The following DNAJC27 variants were observed in gnomAD, a reference collection of about 807,000 sequenced individuals.
DNAJC27 encodes dnaJ homolog subfamily C member 27.
Under a neutral mutation model 31.4 loss-of-function variants are expected in DNAJC27, and 25 were observed. The ratio of observed to expected loss-of-function variants is 0.80; its 90% confidence interval spans 0.58 to 1.11. The LOEUF (loss-of-function observed/expected upper bound fraction) is 1.11. Among genes scored for constraint, DNAJC27 ranks in the 50% most tolerant of loss-of-function variants. The probability of loss-of-function intolerance (pLI) is 0.00; values close to 1 mark genes in which losing one functional copy is unlikely to be tolerated. For missense variants in DNAJC27, 356 were observed against 347.3 expected (o/e 1.02, Z -0.20); for synonymous variants, 106 against 112.7 (o/e 0.94, Z 0.37).
chr2:24,947,815 T>A (rs747243715), intron 6 of DNAJC27, 67 bp from the exon 7 acceptor site: 158 of 1,542,898 alleles, frequency 1.0e-4, no homozygotes, highest in Non-Finnish European at 1.3e-4. Flanking sequence ...GTTAGCTGTT[T>A]GGACACACAT....
At chr2:24,964,195 C>T (rs1331318713) in intron 2 of DNAJC27, among the ~76,000 whole-genome samples, 3 of 151,658 alleles carry the variant, frequency 2.0e-5, no homozygotes, top group East Asian at 1.9e-4. Context: ...CCGAGATGGG[C>T]GGATCATGAG....
intron 5 of DNAJC27, among the ~76,000 whole-genome samples, chr2:24,954,387 C>G (rs1665854742): frequency 6.6e-6 from 1 of 152,144 alleles, no homozygotes; most frequent in African/African-American, 2.4e-5. Flanking sequence ...TGAGGCACCA[C>G]AGAAAGGCTG....
Position 24,969,308 on chromosome 2 carries a change from T to A in DNAJC27, c.88-2015A>T, listed in dbSNP as rs560203814. 1.7e-3 allele frequency: 266 copies of A among 159,644 alleles called. 3 individuals carry two copies. Among genetic ancestry groups the A allele is most frequent in the Non-Finnish European group, 3.0e-3 (210 of 71,080 alleles). 9.9% of individuals were successfully genotyped at this position (159,644 alleles called of 1,614,324 possible). A position where few individuals can be genotyped will look rare whatever the true frequency, so the allele number is the denominator to read the frequency against. ...ACGTGATGATGTCAAGGCTCAGGTA[T>A]CATGGCATAGTTTCCTATTTGTAAG... On this transcript the variant is annotated intron_variant, in intron 1 of 6. Transcript: ENST00000264711.
At chr2:24,950,844 T>A (rs1665755405) in intron 6 of DNAJC27, among the ~76,000 whole-genome samples, 1 of 146,554 alleles carries the variant, frequency 6.8e-6, no homozygotes. Context: ...TGAGACTCTG[T>A]CTCAAAAATA....
intron 5 of DNAJC27, among the ~76,000 whole-genome samples, chr2:24,956,702 G>A (rs1573111606): frequency 2.0e-5 from 3 of 152,234 alleles, no homozygotes; most frequent in South Asian, 2.1e-4. Flanking sequence ...CTTCAGAATC[G>A]CCTGGAGAGA....
rs191802071 is a variant in DNAJC27 at position 24,948,407 on chromosome 2, C to T, written c.690-659G>A. 3.9e-5 allele frequency among the ~76,000 whole-genome samples: 6 copies of T among 151,994 alleles called. No homozygotes were observed. In the East Asian group the frequency reaches 1.2e-3, roughly 29 times the overall value. ...CAGAAGTGGATGATGAGCTGAATAT[C>T]CAGGAGGAGAAGATGAAAAGAAAGG... is the stretch of plus-strand genomic sequence containing the variant. On this transcript the variant is annotated intron_variant, in intron 6 of 6. Coordinates refer to ENST00000264711, the MANE Select transcript of DNAJC27 (RefSeq NM_016544.3).
chr2:24,952,008 G>T (rs1665787230), intron 5 of DNAJC27, among the ~76,000 whole-genome samples: 1 of 152,096 alleles, frequency 6.6e-6, no homozygotes, highest in Non-Finnish European at 1.5e-5. Context: ...TCAGATACTT[G>T]GGTGGCTGAG....
At chr2:24,949,744 A>C (rs1180892799) in intron 6 of DNAJC27, among the ~76,000 whole-genome samples, 1 of 152,226 alleles carries the variant, frequency 6.6e-6, no homozygotes, top group Non-Finnish European at 1.5e-5. Context: ...AGGAGCCCTA[A>C]GTTTCTTCTT....
At chr2:24,956,976 T>G in intron 5 of DNAJC27, 67 bp downstream of exon 5, 1 of 1,557,892 alleles carries the variant, frequency 6.4e-7, no homozygotes, top group Non-Finnish European at 8.6e-7. Context: ...TTGCTTCCTA[T>G]AATTTAAACT....
At chr2:24,949,936 CTTTT>C (rs397949355) in intron 6 of DNAJC27, among the ~76,000 whole-genome samples, 1 of 138,808 alleles carries the variant, frequency 7.2e-6, no homozygotes, top group South Asian at 2.3e-4. Flanking sequence ...ACCCTACTGG[CTTTT>C]TTTTTTTTCA....
At chr2:24,951,183 G>A (rs954256879) in intron 6 of DNAJC27, among the ~76,000 whole-genome samples, 8 of 152,210 alleles carry the variant, frequency 5.3e-5, no homozygotes, top group Non-Finnish European at 1.0e-4. Context: ...ATTTATGCAC[G>A]TACACGACAC....
intron 3 of DNAJC27, among the ~76,000 whole-genome samples, chr2:24,960,882 C>T (rs1356064815): frequency 6.6e-6 from 1 of 152,254 alleles, no homozygotes; most frequent in Non-Finnish European, 1.5e-5. Flanking sequence ...TGAAGCAGCA[C>T]ATGCTGATGT....
rs533538495 is a variant in DNAJC27 at position 24,944,071 on chromosome 2, C to A, written c.*3545G>T. The A allele has an allele frequency of 1.3e-5, 2 of 152,356 alleles. No individual in the cohort carries two copies. The highest frequency in any genetic ancestry group is 4.1e-4 in the South Asian group (2 of 4,824). The allele number at this position is 152,356 out of a possible 1,614,324, so 9.4% of individuals were successfully genotyped here. A position where few individuals can be genotyped will look rare whatever the true frequency, so the allele number is the denominator to read the frequency against. ...AAATACCAATTATGAGAAGTACGAA[C>A]CTCTCTTCACTTTGCAAAGCTTGCA... is the stretch of plus-strand genomic sequence containing the variant. On this transcript the variant is annotated 3_prime_UTR_variant, in exon 7 of 7. Transcript: ENST00000264711.
chr2:24,967,397 A>T, intron 1 of DNAJC27, 104 bp from the exon 2 acceptor site: 1 of 947,928 alleles, frequency 1.1e-6, no homozygotes, highest in Non-Finnish European at 1.6e-6. Flanking sequence ...ACTATGAAAA[A>T]GCATTTTCAA....
intron 2 of DNAJC27, among the ~76,000 whole-genome samples, chr2:24,964,973 C>T (rs1462504695): frequency 2.6e-5 from 4 of 151,978 alleles, no homozygotes; most frequent in African/African-American, 7.2e-5. Flanking sequence ...TTTGGGAGGC[C>T]GAGGTGGACG....
chr2:24,963,449 T>C lies in DNAJC27; in HGVS notation c.196A>G (p.Lys66Glu). The part of the protein sequence containing the change: ...TKVHVRDREI[K>E]VNIFDMAGHP... ...CCAGCCATATCAAAGATGTTAACTT[T>C]GATTTCTCTGTCTCTGACGTGTACC... The change falls in exon 3 of 7, where the codon AAA (lysine) becomes GAA (glutamate). Residue 66 changes from lysine to glutamate, a missense_variant. By Grantham distance (56) the Lys-to-Glu change is moderately conservative. Coordinates refer to ENST00000264711, the MANE Select transcript of DNAJC27 (RefSeq NM_016544.3). 1 of 1,613,902 alleles carries C rather than the reference T, an allele frequency of 6.2e-7. No individual in the cohort carries two copies. Among genetic ancestry groups the C allele is most frequent in the Non-Finnish European group, 8.5e-7 (1 of 1,179,842 alleles).
rs1425854445 is a variant in DNAJC27, at chr2:24,971,826, C to T, written c.79G>A (p.Val27Met). The T allele has an allele frequency of 6.2e-7, 1 of 1,609,108 alleles. No individual in the cohort carries two copies. The highest frequency in any genetic ancestry group is 1.1e-5 in the South Asian group (1 of 90,340). ...CGGCTCGCTGTACTCACTTTCCCCACTTCGGCGTTGCCCATGGAGATGACT... is the reference window on the plus strand; with the variant it reads ...CGGCTCGCTGTACTCACTTTCCCCATTTCGGCGTTGCCCATGGAGATGACT... ...IKVISMGNAE[V>M]GKSCIIKRYC... Residue 27 changes from valine (V) to methionine (M), a missense_variant, in exon 1 of 7, where the codon GTG (valine) becomes ATG (methionine). Physicochemically the swap from Val to Met is conservative, Grantham distance 21 (BLOSUM62 1). Transcript: ENST00000264711.
chr2:24,968,642 T>C (rs973441674), intron 1 of DNAJC27, among the ~76,000 whole-genome samples: 1 of 152,182 alleles, frequency 6.6e-6, no homozygotes, highest in Non-Finnish European at 1.5e-5. Context: ...GTGTCCGGCC[T>C]AGAATTTATT....
chr2:24,952,009 G>A (rs904849923), intron 5 of DNAJC27, among the ~76,000 whole-genome samples: 2 of 152,112 alleles, frequency 1.3e-5, no homozygotes, highest in Non-Finnish European at 2.9e-5. Flanking sequence ...CAGATACTTG[G>A]GTGGCTGAGG....
Sources: gnomAD v4.1 joint callset for allele counts (sites outside exome capture counted in the v4.1 genomes callset) on GRCh38, gnomAD v4.1.1 for gene constraint, MANE v1.5 for transcripts, NCBI Gene and HGNC (gene_info 2026-07-23, HGNC 2026-07-21) for gene names.